TLE6: variants seen among roughly 807,000 people sequenced by gnomAD.
TLE6 encodes transducin-like enhancer protein 6.
TLE6 carries 72 observed loss-of-function variants against 77.1 expected under a neutral mutation model. That is an observed-to-expected ratio of 0.93 (90% CI 0.77 to 1.14). The LOEUF is 1.14. Ranked by LOEUF, TLE6 falls within the 50% of genes most tolerant of loss-of-function variation. The pLI is 0.00. For synonymous variants in TLE6, 366 were observed against 287.3 expected, an observed-to-expected ratio of 1.27 and a Z score of -2.77; for missense variants, 843 against 747.6, an observed-to-expected ratio of 1.13 and a Z score of -1.49.
intron 16 of TLE6, among the ~76,000 whole-genome samples, chr19:2,994,554 G>T (rs1369315392): frequency 2.6e-5 from 4 of 151,972 alleles, no homozygotes; most frequent in African/African-American, 4.8e-5. Context: ...AGCTTGCAGT[G>T]AGCCAAGATT....
rs1447444919 is a variant in TLE6 at position 2,989,728 on chromosome 19, C to G, written c.1187C>G (p.Ala396Gly). ...DANLDANLAF[A>G]SFTSGVVRIW... Reference sequence around the variant, plus strand: ...AACCTGGATGCCAACCTGGCCTTCGCCAGCTTCACCAGTGGTGTGGTCAGG... The same window carrying G: ...AACCTGGATGCCAACCTGGCCTTCGGCAGCTTCACCAGTGGTGTGGTCAGG... Residue 396 changes from alanine to glycine, a missense_variant, in exon 13 of 17, where the codon GCC (alanine) becomes GGC (glycine). Ala to Gly is a moderately conservative substitution (Grantham distance 60, BLOSUM62 0). Coordinates refer to ENST00000246112, the MANE Select transcript of TLE6 (RefSeq NM_001143986.2). 2 of 1,614,090 alleles carry G rather than the reference C, an allele frequency of 1.2e-6. No individual in the cohort carries two copies. Among genetic ancestry groups the G allele is most frequent in the Non-Finnish European group, 8.5e-7 (1 of 1,180,044 alleles).
chr19:2,983,748 G>A (rs557519167), intron 5 of TLE6, among the ~76,000 whole-genome samples: 4 of 152,140 alleles, frequency 2.6e-5, no homozygotes, highest in Non-Finnish European at 5.9e-5. Context: ...TGGCTACTGC[G>A]GAGAGGACAG....
chr19:2,990,652 AATACATAAATAT>A (rs746814668), intron 13 of TLE6, among the ~76,000 whole-genome samples: 3,956 of 78,322 alleles, frequency 0.051, 61 homozygotes, highest in African/African-American at 0.081. Flanking sequence ...TATATATATA[AATACATAAATAT>A]ATACATAAAT....
At position 2,993,595 on chromosome 19, in the gene TLE6, C is replaced by T. The variant is rs375119407; in HGVS notation, c.1537+13C>T. 5.1e-5 allele frequency: 79 copies of T among 1,540,878 alleles called. 1 individual carries two copies. Among genetic ancestry groups the T allele is most frequent in the Non-Finnish European group, 6.4e-5 (73 of 1,139,008 alleles). ...TTCTCCCCCTTTGGTAAGCGGCTGGCGGAAGATGAGGGGACTCCCCTGCAG... is the reference window on the plus strand; with the variant it reads ...TTCTCCCCCTTTGGTAAGCGGCTGGTGGAAGATGAGGGGACTCCCCTGCAG... On this transcript the variant is annotated intron_variant, in intron 15 of 16. Transcript: ENST00000246112.
At chr19:2,994,612 T>C (rs403048) in intron 16 of TLE6, among the ~76,000 whole-genome samples, 2 of 150,694 alleles carry the variant, frequency 1.3e-5, no homozygotes, top group Admixed American at 1.3e-4. Context: ...TCTAAAAAAA[T>C]AATAATAATA....
At chr19:2,978,515 C>T (rs547954015) in intron 2 of TLE6, among the ~76,000 whole-genome samples, 1 of 152,132 alleles carries the variant, frequency 6.6e-6, no homozygotes, top group South Asian at 2.1e-4. Context: ...TTTTGGAGGC[C>T]GAGGCAGGAG....
chr19:2,990,340 C>A (rs144947864), intron 13 of TLE6, among the ~76,000 whole-genome samples: 1 of 151,548 alleles, frequency 6.6e-6, no homozygotes, highest in African/African-American at 2.4e-5. Context: ...CAGTGGCTCA[C>A]GCCTGTACTC....
chr19:2,992,765 G>A (rs1288227397), intron 14 of TLE6, among the ~76,000 whole-genome samples: 3 of 105,012 alleles, frequency 2.9e-5, no homozygotes, highest in African/African-American at 3.6e-5. Context: ...GGGTGACAGA[G>A]TGAGACCCTG....
intron 16 of TLE6, 30 bp from the exon 17 acceptor site, chr19:2,994,870 C>A (rs774105521): frequency 7.1e-7 from 1 of 1,408,348 alleles, no homozygotes; most frequent in Non-Finnish European, 9.9e-7. Context: ...GAGCCCTACC[C>A]CAGCTCACTG....
chr19:2,977,448 T>G (rs943874733), upstream of TLE6: 9 of 150,662 alleles, frequency 6.0e-5, no homozygotes, highest in African/African-American at 1.5e-4. Context: ...GCGCCTTCAT[T>G]GATCTGCTTC....
chr19:2,989,423 G>T (rs2088992346), intron 12 of TLE6, 110 bp downstream of exon 12: 2 of 1,573,560 alleles, frequency 1.3e-6, no homozygotes, highest in African/African-American at 1.4e-5. Context: ...GGGAAAAGGG[G>T]CATAATAGCT....
chr19:2,985,420 T>TTTTTTTG (rs1331900020), intron 5 of TLE6, among the ~76,000 whole-genome samples: 4 of 137,786 alleles, frequency 2.9e-5, no homozygotes, highest in Admixed American at 7.2e-5. Context: ...TTTTTTTTTT[T>TTTTTTTG]GAGACAAGTC....
At chr19:2,988,665 A>G (rs1568214921) in intron 11 of TLE6, among the ~76,000 whole-genome samples, 1 of 152,100 alleles carries the variant, frequency 6.6e-6, no homozygotes, top group Non-Finnish European at 1.5e-5. Flanking sequence ...TTTGGGGAAG[A>G]CTTTTTCATG....
At chr19:2,978,426 C>G in intron 2 of TLE6, 142 bp downstream of exon 2, 1 of 798,770 alleles carries the variant, frequency 1.3e-6, no homozygotes, top group Non-Finnish European at 2.0e-6. Flanking sequence ...ACACTCAAGA[C>G]AGGTGCCAAG....
intron 5 of TLE6, chr19:2,984,419 A>G (rs2088866139): frequency 6.6e-6 from 1 of 150,422 alleles, no homozygotes; most frequent in African/African-American, 2.4e-5. Context: ...GGAAACAGAC[A>G]GGTAGCCTTT....
chr19:2,984,354 C>G (rs1470150069), intron 5 of TLE6: 1 of 147,460 alleles, frequency 6.8e-6, no homozygotes, highest in African/African-American at 2.5e-5. Context: ...CCCCCCCCCG[C>G]GGGGCTCCGA....
chr19:2,980,565 G>A (rs1346229426), intron 3 of TLE6, among the ~76,000 whole-genome samples: 1 of 150,104 alleles, frequency 6.7e-6, no homozygotes, highest in Non-Finnish European at 1.5e-5. Context: ...GTGAAACCGC[G>A]TCTCTACAAA....
At chr19:2,987,834 G>A in intron 9 of TLE6, 44 bp downstream of exon 9, 1 of 1,613,898 alleles carries the variant, frequency 6.2e-7, no homozygotes, top group Non-Finnish European at 8.5e-7. Context: ...GGCGGGATGG[G>A]GTGGGGGCAT....
At chr19:2,977,793 A>C (rs1210608182) in intron 1 of TLE6, among the ~76,000 whole-genome samples, 183 bp downstream of exon 1, 1 of 152,110 alleles carries the variant, frequency 6.6e-6, no homozygotes, top group Non-Finnish European at 1.5e-5. Flanking sequence ...CGCCTAATGC[A>C]CCTGGCTAAC....
Sources: gnomAD v4.1 joint callset for allele counts (sites outside exome capture counted in the v4.1 genomes callset) on GRCh38, gnomAD v4.1.1 for gene constraint, MANE v1.5 for transcripts, NCBI Gene and HGNC (gene_info 2026-07-23, HGNC 2026-07-21) for gene names.